FASN: variants seen among roughly 807,000 people sequenced by gnomAD.
FASN encodes the protein fatty acid synthase, also known as 3-hydroxyacyl-[acyl-carrier-protein] dehydratase.
A neutral mutation model predicts 250.0 loss-of-function variants in FASN; 50 were observed. That is an observed-to-expected ratio of 0.20 (90% CI 0.16 to 0.25). The LOEUF is 0.25. Among genes scored for constraint, FASN ranks in the 10% least tolerant of loss-of-function variants. The probability of loss-of-function intolerance (pLI) is 1.00; values close to 1 mark genes in which losing one functional copy is unlikely to be tolerated. For missense variants in FASN, 3,031 were observed against 3,498.5 expected, an observed-to-expected ratio of 0.87 and a Z score of 3.37; for synonymous variants, 1,909 against 1,584.0, an observed-to-expected ratio of 1.21 and a Z score of -4.87.
intron 10 of FASN, 71 bp from the exon 11 acceptor site, chr17:82,090,635 C>T: frequency 7.0e-7 from 1 of 1,419,666 alleles, no homozygotes; most frequent in Non-Finnish European, 9.8e-7. Flanking sequence ...CCCCCGGCCC[C>T]ACTAGGCCAT....
chr17:82,091,718 CA>C (rs1195208486), intron 8 of FASN, 34 bp from the exon 9 acceptor site: 103 of 1,528,604 alleles, frequency 6.7e-5, no homozygotes, highest in Non-Finnish European at 8.8e-5. Context: ...GCAGCCGCCC[CA>C]CTCCCTCTAC....
At chr17:82,086,013 G>C in intron 22 of FASN, 142 bp from the exon 23 acceptor site, 1 of 1,228,248 alleles carries the variant, frequency 8.1e-7, no homozygotes, top group Admixed American at 2.6e-5. Context: ...GGGCACGCAT[G>C]GATGCCACTG....
chr17:82,084,447 G>C (rs1298533620), intron 27 of FASN, 63 bp from the exon 28 acceptor site: 1 of 1,584,926 alleles, frequency 6.3e-7, no homozygotes, highest in African/African-American at 1.3e-5. Flanking sequence ...CTCCCAGGCA[G>C]GTCCTAGCTG....
Position 82,079,146 on chromosome 17 carries a change from G to A in FASN, c.7533C>T (p.Gly2511=). ...GGTGGCAGGCGGGGGCACGGGCCTAGCCCTCCCGCACGCTCACGCGTGGCT... is the reference window on the plus strand; with the variant it reads ...GGTGGCAGGCGGGGGCACGGGCCTAACCCTCCCGCACGCTCACGCGTGGCT... ...LAEPRVSVRE[G] The change falls in exon 43 of 43, where the codon GGC becomes GGT. Residue 2511 remains glycine (G), a synonymous_variant. Transcript: ENST00000306749. The A allele has an allele frequency of 1.9e-6, 3 of 1,611,276 alleles. No individual in the cohort carries two copies. The highest frequency in any genetic ancestry group is 1.7e-6 in the Non-Finnish European group (2 of 1,179,872).
chr17:82,091,186 G>A, intron 9 of FASN, 36 bp downstream of exon 9: 1 of 1,602,082 alleles, frequency 6.2e-7, no homozygotes, highest in Non-Finnish European at 8.5e-7. Flanking sequence ...CTTTCCCCAG[G>A]GAAGGGACCA....
rs2144811845 is a variant in FASN, at chr17:82,095,453, C to T, written c.147G>A (p.Arg49=). 6.2e-7 allele frequency: 1 copy of T among 1,612,568 alleles called. No individual in the cohort carries two copies. Among genetic ancestry groups the T allele is most frequent in the South Asian group, 1.1e-5 (1 of 91,082 alleles). The change falls in exon 3 of 43, where the codon CGG becomes CGA. Residue 49 remains arginine (R), a synonymous_variant. Coordinates refer to ENST00000306749, the MANE Select transcript of FASN (RefSeq NM_004104.5). ...ACAGGTCCTTCAGCTTGCCGGACCG[C>T]CGGGGCAGGCCGTAGAGCCCTGTGG... ...RWKAGLYGLP[R]RSGKLKDLSR...
intron 3 of FASN, 111 bp downstream of exon 3, chr17:82,095,209 G>GTCC: frequency 1.5e-6 from 2 of 1,310,998 alleles, no homozygotes; most frequent in Non-Finnish European, 2.2e-6. Flanking sequence ...CAGCCGGGGA[G>GTCC]GGTAGGTGGT....
chr17:82,083,303 C>T lies in FASN; in HGVS notation c.5464G>A (p.Val1822Met), dbSNP rs760134398. 2 of 1,612,784 alleles carry T rather than the reference C, an allele frequency of 1.2e-6. No homozygotes were observed. ...ALVQAGIRDGVVRPLKCTVFH... is the reference protein window; with the variant it reads ...ALVQAGIRDGMVRPLKCTVFH... Reference sequence around the variant, plus strand: ...ACCGTGCACTTGAGGGGCCGTACCACCCCATCCCGGATGCCGGCCTGCACA... The same window carrying T: ...ACCGTGCACTTGAGGGGCCGTACCATCCCATCCCGGATGCCGGCCTGCACA... Residue 1822 changes from valine (V) to methionine (M), a missense_variant, in exon 32 of 43, where the codon GTG (valine) becomes ATG (methionine). By Grantham distance (21) the Val-to-Met change is conservative. Coordinates refer to ENST00000306749, the MANE Select transcript of FASN (RefSeq NM_004104.5).
rs2034229907 is a variant in FASN, at chr17:82,092,572, C to T, written c.912G>A (p.Glu304=). Residue 304 remains glutamate, a synonymous_variant, in exon 8 of 43, where the codon GAG becomes GAA. Transcript: ENST00000306749. ...ACAGGGCTCGGGTGATGCCATTCAG[C>T]TCCTGGGGGTCGCCCACCTGTGGGA... is the stretch of plus-strand genomic sequence containing the variant. ...GTGTKVGDPQ[E]LNGITRALCA... is the part of the protein sequence containing the mutation. 1.2e-6 allele frequency: 2 copies of T among 1,607,268 alleles called. No homozygotes were observed. The highest frequency in any genetic ancestry group is 1.7e-6 in the Non-Finnish European group (2 of 1,179,548).
At position 82,093,676 on chromosome 17, in the gene FASN, T is replaced by C; in HGVS notation, c.376A>G (p.Thr126Ala). 1 of 1,612,724 alleles carries C rather than the reference T, an allele frequency of 6.2e-7. No individual in the cohort carries two copies. Among genetic ancestry groups the C allele is most frequent in the Non-Finnish European group, 8.5e-7 (1 of 1,179,962 alleles). Reference sequence around the variant, plus strand: ...CCCACCATGCTGTAGCCCACGAGTGTCTCGGGGTCTCGGCTCAGGGCCTCC... The same window carrying C: ...CCCACCATGCTGTAGCCCACGAGTGCCTCGGGGTCTCGGCTCAGGGCCTCC... ...TSEALSRDPE[T>A]LVGYSMVGCQ... The change falls in exon 4 of 43, where the codon ACA becomes GCA. Residue 126 changes from threonine to alanine, a missense_variant. Thr to Ala is a moderately conservative substitution (Grantham distance 58). Transcript: ENST00000306749.
At position 82,088,510 on chromosome 17, in the gene FASN, G is replaced by A. The variant is rs1296801408; in HGVS notation, c.2473C>T (p.Arg825Ter). ...AGTGGGGAGATGAGGGGAGTTCCTCGGGGAGCTGGGAACTCCACAGGTGGG... is the reference window on the plus strand; with the variant it reads ...AGTGGGGAGATGAGGGGAGTTCCTCAGGGAGCTGGGAACTCCACAGGTGGG... ...LFPPVEFPAP[R>*]GTPLISPLIK... The change falls in exon 16 of 43, where the codon CGA becomes TGA. Residue 825 changes from arginine (R) to a stop codon, truncating the protein, a stop_gained. Transcript: ENST00000306749. LOFTEE classifies it high-confidence loss of function. 2 of 1,608,448 alleles carry A rather than the reference G, an allele frequency of 1.2e-6. No homozygotes were observed. Among genetic ancestry groups the A allele is most frequent in the Admixed American group, 1.7e-5 (1 of 59,880 alleles).
Position 82,080,930 on chromosome 17 carries a change from G to A in FASN, c.6596-8C>T. Reference sequence around the variant, plus strand: ...GCGTGGGGCATGCCAGCTCTGTGAAGACAGGGGCAGATGCCAGGCTGGTCT... The same window carrying A: ...GCGTGGGGCATGCCAGCTCTGTGAAAACAGGGGCAGATGCCAGGCTGGTCT... On this transcript the variant is annotated splice_polypyrimidine_tract_variant and splice_region_variant and intron_variant, in intron 38 of 42. Coordinates refer to ENST00000306749, the MANE Select transcript of FASN (RefSeq NM_004104.5). 4 of 1,598,264 alleles carry A rather than the reference G, an allele frequency of 2.5e-6. No individual in the cohort carries two copies. Among genetic ancestry groups the A allele is most frequent in the Non-Finnish European group, 3.4e-6 (4 of 1,173,088 alleles).
rs766352338 is a variant in FASN, at chr17:82,085,649, C to T, written c.3955G>A (p.Val1319Met). The change falls in exon 23 of 43, where the codon GTG (valine) becomes ATG (methionine). Residue 1319 changes from valine to methionine, a missense_variant. Val to Met is a conservative substitution (Grantham distance 21, BLOSUM62 1). Transcript: ENST00000306749. ...SADLLVCNCA[V>M]AALGDPASAL... ...GAGGCCGGGTCCCCGAGGGCAGCCACAGCACAGTTGCACACCAGGAGGTCG... is the reference window on the plus strand; with the variant it reads ...GAGGCCGGGTCCCCGAGGGCAGCCATAGCACAGTTGCACACCAGGAGGTCG... The T allele has an allele frequency of 1.9e-6, 3 of 1,593,518 alleles. No homozygotes were observed. Among genetic ancestry groups the T allele is most frequent in the Non-Finnish European group, 2.6e-6 (3 of 1,170,876 alleles).
chr17:82,088,835 G>T lies in FASN; in HGVS notation c.2346C>A (p.Ile782=), dbSNP rs372694238. The part of the protein sequence containing the change: ...KRGLKPSCTI[I]PLMKKDHRDN... ...CCCTGTGATCCTTCTTCATCAGGGG[G>T]ATGATGGTGCAGCTCGGCTTCAGGC... Residue 782 remains isoleucine, a synonymous_variant, in exon 15 of 43, where the codon ATC becomes ATA. Coordinates refer to ENST00000306749, the MANE Select transcript of FASN (RefSeq NM_004104.5). 2.8e-5 allele frequency: 45 copies of T among 1,612,456 alleles called. No homozygotes were observed. Among genetic ancestry groups the T allele is most frequent in the South Asian group, 3.3e-5 (3 of 91,084 alleles).
In FASN at chr17:82,078,669, G is replaced by A. The variant is rs930961982; in HGVS notation, c.*474C>T. ...CAGCGGGCTGAGCCAATGCCTGGCCGAGAGGGGGCCGCAGCCAGCAGGCTT... is the reference window on the plus strand; with the variant it reads ...CAGCGGGCTGAGCCAATGCCTGGCCAAGAGGGGGCCGCAGCCAGCAGGCTT... On this transcript the variant is annotated 3_prime_UTR_variant, in exon 43 of 43. Transcript: ENST00000306749. The surrounding 1 kb of genome is among the most constrained non-coding windows in gnomAD (Gnocchi z 5.4). The A allele has an allele frequency of 8.5e-6, 2 of 235,638 alleles. No homozygotes were observed. The highest frequency in any genetic ancestry group is 5.4e-5 in the South Asian group (1 of 18,592). 14.6% of individuals were successfully genotyped at this position (235,638 alleles called of 1,614,324 possible). A position where few individuals can be genotyped will look rare whatever the true frequency, so the allele number is the denominator to read the frequency against.
chr17:82,087,683 A>C lies in FASN; in HGVS notation c.3043+2T>G. 6.2e-7 allele frequency: 1 copy of C among 1,610,710 alleles called. No individual in the cohort carries two copies. The highest frequency in any genetic ancestry group is 8.5e-7 in the Non-Finnish European group (1 of 1,179,838). On this transcript the variant is annotated splice_donor_variant, in intron 19 of 42. Transcript: ENST00000306749. LOFTEE classifies it high-confidence loss of function. The stretch of plus-strand genomic sequence containing the variant: ...TTGGGCAGCAGTGTAGTCAGTACCC[A>C]CCTTCCAGGCTGGCCTCCAGGATGC...
chr17:82,079,899 G>T, intron 41 of FASN: 1 of 626,736 alleles, frequency 1.6e-6, no homozygotes, highest in Non-Finnish European at 2.8e-6. Flanking sequence ...GTAGAGAAGG[G>T]GTTTCTCCAC....
At chr17:82,090,861 C>G in intron 10 of FASN, 21 bp downstream of exon 10, 4 of 1,564,558 alleles carry the variant, frequency 2.6e-6, no homozygotes, top group Non-Finnish European at 3.5e-6. Context: ...GTTGCTCACA[C>G]GCTGGCAGGC....
At chr17:82,091,731 A>G (rs756747490) in intron 8 of FASN, 47 bp from the exon 9 acceptor site, 14 of 1,498,634 alleles carry the variant, frequency 9.3e-6, no homozygotes, top group East Asian at 2.4e-5. Flanking sequence ...TCCCTCTACC[A>G]CTGCCTGAGC....
Sources: allele counts gnomAD v4.1 joint callset, GRCh38; gene constraint gnomAD v4.1.1; non-coding constraint Gnocchi (gnomAD v3.1); transcripts MANE v1.5; gene names NCBI Gene and HGNC (gene_info 2026-07-23, HGNC 2026-07-21).